The following ATF7 variants were observed in gnomAD, a reference collection of about 807,000 sequenced individuals.
The protein encoded by ATF7 is cyclic AMP-dependent transcription factor ATF-7.
In ATF7, 10 loss-of-function variants were observed where a neutral mutation model predicts 50.4. The observed-to-expected ratio is 0.20, with a 90% CI of 0.12 to 0.34. ATF7 has a LOEUF of 0.34. ATF7 is among the 10% of genes least tolerant of loss of function. ATF7 has a pLI of 1.00. For synonymous variants in ATF7, 201 were observed against 226.4 expected (o/e 0.89, Z 1.01); for missense variants, 465 against 613.9 (o/e 0.76, Z 2.56).
chr12:53,623,260 GT>G (rs1944474691), intron 1 of ATF7, among the ~76,000 whole-genome samples: 1 of 152,104 alleles, frequency 6.6e-6, no homozygotes, highest in African/African-American at 2.4e-5. Flanking sequence ...ACTCTGATGT[GT>G]TTTCACATAT....
intron 2 of ATF7, among the ~76,000 whole-genome samples, chr12:53,570,736 CGT>C (rs57842916): frequency 0.33 from 47,221 of 143,240 alleles, 7,476 homozygotes; most frequent in Middle Eastern, 0.38. Context: ...CTCCTGTGTG[CGT>C]GTGTGTGTGT....
chr12:53,566,267 A>G (rs1210683472), intron 2 of ATF7, among the ~76,000 whole-genome samples: 1 of 152,196 alleles, frequency 6.6e-6, no homozygotes, highest in Non-Finnish European at 1.5e-5. Flanking sequence ...GTATAACTGG[A>G]TTGCTCAGGA....
downstream of ATF7, among the ~76,000 whole-genome samples, chr12:53,509,153 G>A (rs1373999948): frequency 1.3e-5 from 2 of 152,122 alleles, no homozygotes; most frequent in Non-Finnish European, 2.9e-5. Context: ...CTCCCGCTCT[G>A]AGCTTCAGTT....
chr12:53,519,070 AG>A (rs1182373915), intron 11 of ATF7, among the ~76,000 whole-genome samples: 12 of 151,382 alleles, frequency 7.9e-5, no homozygotes, highest in Admixed American at 1.3e-4. Context: ...AAAAAAAAAA[AG>A]ATTCAAATAT....
intron 2 of ATF7, among the ~76,000 whole-genome samples, chr12:53,564,245 C>T (rs1031026061): frequency 6.6e-6 from 1 of 152,162 alleles, no homozygotes; most frequent in African/African-American, 2.4e-5. Flanking sequence ...CATGGTGGTG[C>T]ATGCCTGATA....
intron 1 of ATF7, among the ~76,000 whole-genome samples, chr12:53,618,303 C>T (rs932963337): frequency 1.3e-5 from 2 of 152,148 alleles, no homozygotes; most frequent in African/African-American, 4.8e-5. Flanking sequence ...GTTATCGAGT[C>T]CATCCTTCTG....
chr12:53,564,308 G>A (rs1941318257), intron 2 of ATF7, among the ~76,000 whole-genome samples: 2 of 152,186 alleles, frequency 1.3e-5, no homozygotes, highest in African/African-American at 2.4e-5. Flanking sequence ...CCCAGGAAGT[G>A]GAGGGTGCAG....
At chr12:53,529,704 T>TACACACACACACACACACACACACAC (rs1310811632) in intron 9 of ATF7, among the ~76,000 whole-genome samples, 1 of 73,352 alleles carries the variant, frequency 1.4e-5, no homozygotes, top group African/African-American at 4.7e-5. Flanking sequence ...CATATATATA[T>TACACACACACACACACACACACACAC]ACACATACAC....
intron 2 of ATF7, among the ~76,000 whole-genome samples, chr12:53,560,130 G>A (rs1025411088): frequency 6.6e-6 from 1 of 151,912 alleles, no homozygotes; most frequent in Admixed American, 6.6e-5. Flanking sequence ...CACCATGTTG[G>A]CCAGGTTGGT....
intron 2 of ATF7, 150 bp downstream of exon 2, chr12:53,600,803 C>T: frequency 1.4e-6 from 1 of 694,142 alleles, no homozygotes. Context: ...TACACTTCCT[C>T]ATAACTTGGA....
intron 4 of ATF7, 172 bp downstream of exon 4, chr12:53,543,158 A>G (rs975056010): frequency 2.1e-5 from 32 of 1,510,592 alleles, no homozygotes; most frequent in Admixed American, 8.4e-5. Context: ...TGGAACTCCT[A>G]AAGACCTGAA....
chr12:53,511,452 G>A (rs752743819), downstream of ATF7, among the ~76,000 whole-genome samples: 7 of 152,132 alleles, frequency 4.6e-5, no homozygotes, highest in Non-Finnish European at 7.3e-5. Flanking sequence ...GTTTCTCCAT[G>A]TTGGCCAGGC....
At chr12:53,580,295 T>G (rs969219370) in intron 2 of ATF7, among the ~76,000 whole-genome samples, 1 of 145,304 alleles carries the variant, frequency 6.9e-6, no homozygotes, top group Non-Finnish European at 1.5e-5. Context: ...AATGTCAGAG[T>G]CAATCAAAAA....
rs1411708659 is a variant in ATF7, at chr12:53,543,216, C to A, written c.264+114G>T. On this transcript the variant is annotated intron_variant, in intron 4 of 11. Coordinates refer to ENST00000420353, the MANE Select transcript of ATF7 (RefSeq NM_006856.3). ...ACTATCTGGTTTTACTGGTTTTACT[C>A]TACTAAGCCCATGATTTTGTGTTTT... is the stretch of plus-strand genomic sequence containing the variant. 1.9e-6 allele frequency: 3 copies of A among 1,549,694 alleles called. No homozygotes were observed. The South Asian group carries it at 3.6e-5, about 18-fold the overall frequency.
chr12:53,611,582 T>G (rs1943883016), intron 1 of ATF7, among the ~76,000 whole-genome samples: 1 of 152,134 alleles, frequency 6.6e-6, no homozygotes, highest in South Asian at 2.1e-4. Context: ...AAGAGTAGTT[T>G]TTACATTTTT....
At chr12:53,604,086 A>G (rs755095153) in intron 1 of ATF7, among the ~76,000 whole-genome samples, 31 of 152,218 alleles carry the variant, frequency 2.0e-4, no homozygotes, top group Non-Finnish European at 3.4e-4. Flanking sequence ...AAACATAAGC[A>G]TTTTATAGAA....
At chr12:53,536,853 A>T (rs1939256287) in intron 5 of ATF7, among the ~76,000 whole-genome samples, 3 of 151,946 alleles carry the variant, frequency 2.0e-5, no homozygotes, top group Non-Finnish European at 1.5e-5. Context: ...ACGCCATTGC[A>T]CTCCAGCCTG....
chr12:53,552,685 C>T (rs200982574), intron 2 of ATF7, 48 bp from the exon 3 acceptor site: 70 of 1,413,802 alleles, frequency 5.0e-5, no homozygotes, highest in Non-Finnish European at 6.8e-5. Context: ...AACAAAAACC[C>T]GATTCGGTGC....
chr12:53,569,405 G>A (rs1174945461), intron 2 of ATF7, among the ~76,000 whole-genome samples: 1 of 152,020 alleles, frequency 6.6e-6, no homozygotes, highest in Non-Finnish European at 1.5e-5. Context: ...TCTTATATGT[G>A]GAATGTTCTT....
Sources: gnomAD v4.1 joint callset for allele counts (sites outside exome capture counted in the v4.1 genomes callset) on GRCh38, gnomAD v4.1.1 for gene constraint, MANE v1.5 for transcripts, NCBI Gene and HGNC (gene_info 2026-07-23, HGNC 2026-07-21) for gene names.